The following SLC71A2 variants were observed in gnomAD, a reference collection of about 807,000 sequenced individuals.
The protein encoded by SLC71A2 is hippocampus abundant transcript-like 1.
the SLC71A2 span, chr9:94,456,187 T>G: frequency 4.1e-5 from 51 of 1,248,240 alleles, no homozygotes; most frequent in Non-Finnish European, 5.4e-5. Flanking sequence ...TTCCGAATAG[T>G]GAGCTCCTTG....
chr9:94,455,995 AAAG>A, the SLC71A2 span, among the ~76,000 whole-genome samples: 2 of 152,190 alleles, frequency 1.3e-5, no homozygotes, highest in Admixed American at 6.5e-5. Context: ...AAAGTTTGTA[AAAG>A]AAGTAAAATC....
the SLC71A2 span, chr9:94,459,320 A>C: frequency 3.1e-6 from 5 of 1,614,178 alleles, no homozygotes; most frequent in Admixed American, 1.7e-5. Flanking sequence ...AGAACGGGGC[A>C]GTGATGAGGA....
At chr9:94,424,051 T>C in the SLC71A2 span, among the ~76,000 whole-genome samples, 1 of 152,200 alleles carries the variant, frequency 6.6e-6, no homozygotes, top group East Asian at 1.9e-4. Context: ...TGCAGAAGAA[T>C]ATATAGTTGA....
the SLC71A2 span, among the ~76,000 whole-genome samples, chr9:94,389,860 G>C: frequency 3.3e-5 from 5 of 151,668 alleles, no homozygotes; most frequent in Admixed American, 1.3e-4. Flanking sequence ...CTCCCACCTC[G>C]GCCTCCCAAA....
At chr9:94,414,857 A>G in the SLC71A2 span, among the ~76,000 whole-genome samples, 2 of 151,930 alleles carry the variant, frequency 1.3e-5, no homozygotes, top group Non-Finnish European at 2.9e-5. Flanking sequence ...GTGGGGTTTC[A>G]CTATGTTAAC....
At chr9:94,418,654 T>G in the SLC71A2 span, among the ~76,000 whole-genome samples, 2 of 152,150 alleles carry the variant, frequency 1.3e-5, no homozygotes, top group African/African-American at 4.8e-5. Context: ...CAGGCTGGTC[T>G]CGAACTCCTG....
At chr9:94,375,134 T>C in the SLC71A2 span, among the ~76,000 whole-genome samples, 1 of 152,026 alleles carries the variant, frequency 6.6e-6, no homozygotes, top group African/African-American at 2.4e-5. Context: ...ATTTGGTTAT[T>C]GTTTCAAAAG....
chr9:94,386,789 T>C, the SLC71A2 span, among the ~76,000 whole-genome samples: 1 of 152,212 alleles, frequency 6.6e-6, no homozygotes, highest in African/African-American at 2.4e-5. Flanking sequence ...CTCTGTCCTT[T>C]ATTGCCTGGC....
chr9:94,445,201 A>C, the SLC71A2 span: 1 of 1,554,702 alleles, frequency 6.4e-7, no homozygotes, highest in African/African-American at 1.4e-5. Flanking sequence ...AAATATGGAA[A>C]TATTTACTTT....
chr9:94,404,698 T>A, the SLC71A2 span, among the ~76,000 whole-genome samples: 1 of 152,216 alleles, frequency 6.6e-6, no homozygotes, highest in African/African-American at 2.4e-5. Flanking sequence ...TGTTATTTTG[T>A]CTGTGAGTTG....
chr9:94,448,652 G>A, the SLC71A2 span, among the ~76,000 whole-genome samples: 6 of 152,252 alleles, frequency 3.9e-5, no homozygotes, highest in South Asian at 1.2e-3. Flanking sequence ...TTTTATTGGA[G>A]ACAAGAGTCT....
the SLC71A2 span, among the ~76,000 whole-genome samples, chr9:94,390,350 G>A: frequency 0.68 from 98,285 of 143,606 alleles, 34,151 homozygotes; most frequent in Middle Eastern, 0.76. Context: ...TTGGAAGGAA[G>A]GGCTGTTTGT....
the SLC71A2 span, among the ~76,000 whole-genome samples, chr9:94,399,499 TC>T: frequency 3.9e-5 from 6 of 152,320 alleles, no homozygotes; most frequent in African/African-American, 9.6e-5. Flanking sequence ...AAAAATGAGT[TC>T]ATAATGATGT....
the SLC71A2 span, chr9:94,375,047 T>C: frequency 1.6e-6 from 1 of 614,194 alleles, no homozygotes; most frequent in Non-Finnish European, 2.3e-6. Context: ...GTCGGTCCTT[T>C]TCTGGGGGGG....
chr9:94,426,492 C>G, the SLC71A2 span, among the ~76,000 whole-genome samples: 1 of 151,996 alleles, frequency 6.6e-6, no homozygotes, highest in Non-Finnish European at 1.5e-5. Context: ...TCAGTCTTTT[C>G]TCATCTGTTC....
At chr9:94,417,947 C>T in the SLC71A2 span, among the ~76,000 whole-genome samples, 1 of 144,598 alleles carries the variant, frequency 6.9e-6, no homozygotes, top group Admixed American at 7.3e-5. Context: ...TCCTCCGCCT[C>T]CCGGGTTCAA....
the SLC71A2 span, among the ~76,000 whole-genome samples, chr9:94,446,543 C>T: frequency 2.0e-5 from 3 of 151,924 alleles, no homozygotes; most frequent in African/African-American, 4.8e-5. Context: ...AGTTCGGGAT[C>T]TGTTCAGGGA....
the SLC71A2 span, among the ~76,000 whole-genome samples, chr9:94,444,388 C>T: frequency 9.0e-4 from 137 of 152,302 alleles, 1 homozygote; most frequent in Non-Finnish European, 1.6e-3. Context: ...TCCACCTCAA[C>T]AAATTCTTTG....
At chr9:94,402,912 G>A in the SLC71A2 span, among the ~76,000 whole-genome samples, 1 of 152,104 alleles carries the variant, frequency 6.6e-6, no homozygotes, top group Non-Finnish European at 1.5e-5. Context: ...AGTTTTTAAA[G>A]TTTCAGTTCA....
Sources: allele counts gnomAD v4.1 joint callset (sites outside exome capture counted in the v4.1 genomes callset), GRCh38; gene constraint gnomAD v4.1.1; transcripts MANE v1.5; gene names NCBI Gene and HGNC (gene_info 2026-07-23, HGNC 2026-07-21).